PDLIM5: variants seen among roughly 807,000 people sequenced by gnomAD.
PDLIM5 encodes the protein PDZ and LIM domain 5, also known as PDZ and LIM domain protein 5.
Under a neutral mutation model 64.2 loss-of-function variants are expected in PDLIM5, and 34 were observed. The ratio of observed to expected loss-of-function variants is 0.53; its 90% confidence interval spans 0.40 to 0.71. The LOEUF (loss-of-function observed/expected upper bound fraction) is 0.71, where lower values mean the gene tolerates loss of function less well. Among genes scored for constraint, PDLIM5 ranks in the 30% least tolerant of loss-of-function variants. The pLI is 0.00. For synonymous variants in PDLIM5, 253 were observed against 269.1 expected, an observed-to-expected ratio of 0.94 and a Z score of 0.59; for missense variants, 683 against 733.6, an observed-to-expected ratio of 0.93 and a Z score of 0.80.
At chr4:94,661,242 T>A (rs1025372820) in intron 11 of PDLIM5, among the ~76,000 whole-genome samples, 5 of 151,930 alleles carry the variant, frequency 3.3e-5, no homozygotes, top group Admixed American at 3.3e-4. Flanking sequence ...AATTTTTTTT[T>A]AATTAGCTGG....
At chr4:94,610,931 G>T in intron 7 of PDLIM5, 1 of 597,538 alleles carries the variant, frequency 1.7e-6, no homozygotes, top group Non-Finnish European at 2.9e-6. Context: ...TTGCTGCTTT[G>T]TGCTTCCCCT....
chr4:94,551,878 G>A (rs1732840551), intron 3 of PDLIM5, among the ~76,000 whole-genome samples: 1 of 152,078 alleles, frequency 6.6e-6, no homozygotes, highest in Admixed American at 6.6e-5. Context: ...ATGGAGAAGT[G>A]GAAGAATGTC....
intron 8 of PDLIM5, among the ~76,000 whole-genome samples, chr4:94,637,231 T>C (rs1740644051): frequency 6.6e-6 from 1 of 152,160 alleles, no homozygotes; most frequent in African/African-American, 2.4e-5. Flanking sequence ...GTGGTACTAA[T>C]AACAAAATCA....
intron 10 of PDLIM5, among the ~76,000 whole-genome samples, chr4:94,655,158 T>C (rs1742114353): frequency 6.6e-6 from 1 of 152,184 alleles, no homozygotes; most frequent in South Asian, 2.1e-4. Context: ...AAATATAACC[T>C]CAGTTTTATG....
chr4:94,526,762 C>T (rs1272074542), intron 3 of PDLIM5, among the ~76,000 whole-genome samples: 4 of 147,864 alleles, frequency 2.7e-5, no homozygotes, highest in Non-Finnish European at 4.5e-5. Flanking sequence ...GACTGAATCT[C>T]GCTCTGTCGC....
chr4:94,617,131 A>G (rs1279918364), intron 7 of PDLIM5, among the ~76,000 whole-genome samples: 2 of 152,256 alleles, frequency 1.3e-5, no homozygotes, highest in African/African-American at 4.8e-5. Flanking sequence ...CTTGAAAGAA[A>G]TAACCACTGC....
intron 3 of PDLIM5, among the ~76,000 whole-genome samples, chr4:94,543,235 C>G (rs561821865): frequency 6.6e-6 from 1 of 152,164 alleles, no homozygotes; most frequent in East Asian, 1.9e-4. Context: ...CACATTCCCT[C>G]TAGGAGAATC....
chr4:94,611,524 A>G (rs941919114), intron 7 of PDLIM5, among the ~76,000 whole-genome samples: 1 of 152,246 alleles, frequency 6.6e-6, no homozygotes, highest in African/African-American at 2.4e-5. Context: ...CTATATTAGA[A>G]TCCTCAAATG....
rs191954379 is a variant in PDLIM5, at chr4:94,495,735, G to T, written c.97-27989G>T. Among the ~76,000 whole-genome samples, 5 of 152,312 alleles carry T rather than the reference G, an allele frequency of 3.3e-5. No individual in the cohort carries two copies. The East Asian group carries it at 7.7e-4, about 24-fold the overall frequency. On this transcript the variant is annotated intron_variant, in intron 2 of 12. Transcript: ENST00000317968. ...GTGAGGAATGGCTCATGCTTTCCAG[G>T]GGGGTACACACCAGAAGCAAGGCTT...
rs1743138798 is a variant in PDLIM5, at chr4:94,667,626, T to C, written c.*3559T>C. The C allele has an allele frequency of 6.6e-6, 1 of 152,148 alleles. No homozygotes were observed. Among genetic ancestry groups the C allele is most frequent in the Non-Finnish European group, 1.5e-5 (1 of 68,018 alleles). The allele number at this position is 152,148 out of a possible 1,614,324, so 9.4% of individuals were successfully genotyped here. A position where few individuals can be genotyped will look rare whatever the true frequency, so the allele number is the denominator to read the frequency against. On this transcript the variant is annotated 3_prime_UTR_variant, in exon 13 of 13. Transcript: ENST00000317968. The stretch of plus-strand genomic sequence containing the variant: ...GAACCCATCACCCATAGGGGCACCA[T>C]AGGACAACTATAGTACCGTGTTTAT...
intron 2 of PDLIM5, among the ~76,000 whole-genome samples, chr4:94,478,042 G>C (rs1328383310): frequency 1.3e-5 from 2 of 152,170 alleles, no homozygotes; most frequent in Non-Finnish European, 2.9e-5. Flanking sequence ...CGGATCATGA[G>C]GTCAGGAGTT....
chr4:94,469,427 A>G (rs1388946973), intron 2 of PDLIM5, among the ~76,000 whole-genome samples: 3 of 152,170 alleles, frequency 2.0e-5, no homozygotes, highest in Admixed American at 6.5e-5. Flanking sequence ...GGGAAAACAC[A>G]TTGCAGGCAC....
intron 7 of PDLIM5, among the ~76,000 whole-genome samples, chr4:94,608,380 A>G (rs115155645): frequency 1.7e-3 from 264 of 152,336 alleles, no homozygotes; most frequent in African/African-American, 6.0e-3. Flanking sequence ...TATAACTTCT[A>G]ATATAGAATC....
chr4:94,460,978 C>T (rs189599796), intron 2 of PDLIM5, among the ~76,000 whole-genome samples: 32 of 152,292 alleles, frequency 2.1e-4, no homozygotes, highest in African/African-American at 7.0e-4. Flanking sequence ...TTGCTAGTCA[C>T]ACTACATGTG....
chr4:94,630,950 C>G (rs1740097846), intron 8 of PDLIM5, among the ~76,000 whole-genome samples: 1 of 152,110 alleles, frequency 6.6e-6, no homozygotes, highest in African/African-American at 2.4e-5. Flanking sequence ...TTCTGTTGCC[C>G]AGGCTGAGGT....
chr4:94,539,385 T>C (rs1731584667), intron 3 of PDLIM5, among the ~76,000 whole-genome samples: 1 of 152,108 alleles, frequency 6.6e-6, no homozygotes, highest in Non-Finnish European at 1.5e-5. Context: ...AATGGAAGAA[T>C]GCAGAAGAGG....
intron 8 of PDLIM5, among the ~76,000 whole-genome samples, chr4:94,625,265 C>G (rs1279801526): frequency 6.6e-6 from 1 of 152,066 alleles, no homozygotes. Context: ...ATTGTGTGTA[C>G]ACACAACTCC....
At chr4:94,597,863 G>A (rs1398125612) in intron 7 of PDLIM5, among the ~76,000 whole-genome samples, 1 of 152,118 alleles carries the variant, frequency 6.6e-6, no homozygotes, top group East Asian at 1.9e-4. Context: ...ATTCTGAAAA[G>A]CATGGCTAGT....
At chr4:94,653,231 T>A (rs147387206) in intron 9 of PDLIM5, among the ~76,000 whole-genome samples, 3 of 152,190 alleles carry the variant, frequency 2.0e-5, no homozygotes, top group African/African-American at 4.8e-5. Context: ...GGGTCAGTGA[T>A]TTTATGATAT....
Sources: gnomAD v4.1 joint callset for allele counts (sites outside exome capture counted in the v4.1 genomes callset) on GRCh38, gnomAD v4.1.1 for gene constraint, MANE v1.5 for transcripts, NCBI Gene and HGNC (gene_info 2026-07-23, HGNC 2026-07-21) for gene names.